PCDHA5: variants seen among roughly 807,000 people sequenced by gnomAD.
The protein encoded by PCDHA5 is protocadherin alpha 5.
PCDHA5 carries 43 observed loss-of-function variants against 61.6 expected under a neutral mutation model. The ratio of observed to expected loss-of-function variants is 0.70; its 90% CI spans 0.55 to 0.90. PCDHA5 has a LOEUF of 0.90. Ranked by LOEUF, PCDHA5 falls within the 40% of genes least tolerant of loss-of-function variation. PCDHA5 has a pLI of 0.00. For missense variants in PCDHA5, 1,298 were observed against 1,222.7 expected (o/e 1.06, Z -0.92); for synonymous variants, 627 against 543.9 (o/e 1.15, Z -2.13).
chr5:140,834,759 A>G (rs2150225728), intron 1 of PCDHA5: 8 of 1,614,036 alleles, frequency 5.0e-6, no homozygotes, highest in Non-Finnish European at 6.8e-6. Flanking sequence ...GGTGAAGGAC[A>G]TTAACGACAA....
At chr5:140,881,623 A>G (rs1179461885) in intron 1 of PCDHA5, among the ~76,000 whole-genome samples, 1 of 152,188 alleles carries the variant, frequency 6.6e-6, no homozygotes, top group East Asian at 1.9e-4. Flanking sequence ...TCAAAATCTG[A>G]TATATCAGTT....
intron 1 of PCDHA5, among the ~76,000 whole-genome samples, chr5:140,896,658 T>C (rs2065683362): frequency 6.6e-6 from 1 of 152,154 alleles, no homozygotes; most frequent in African/African-American, 2.4e-5. Context: ...ATTACAGGCA[T>C]GAGTCACTGT....
At chr5:140,967,066 C>A (rs782715200) in intron 1 of PCDHA5, 2 of 1,612,908 alleles carry the variant, frequency 1.2e-6, no homozygotes, top group Non-Finnish European at 1.7e-6. Context: ...GAGCGCTCTT[C>A]GTCAACGAGC....
At chr5:140,915,466 T>C (rs2077134247) in intron 1 of PCDHA5, among the ~76,000 whole-genome samples, 1 of 152,176 alleles carries the variant, frequency 6.6e-6, no homozygotes, top group South Asian at 2.1e-4. Context: ...AGGTTTTTAT[T>C]TGAAGGAGCT....
chr5:140,936,337 C>G (rs1226552278), intron 1 of PCDHA5, among the ~76,000 whole-genome samples: 17 of 152,160 alleles, frequency 1.1e-4, no homozygotes, highest in Non-Finnish European at 1.5e-5. Context: ...TTTTCTCTAT[C>G]TGCATATATG....
At chr5:140,849,862 C>G in intron 1 of PCDHA5, 1 of 1,598,598 alleles carries the variant, frequency 6.3e-7, no homozygotes, top group Non-Finnish European at 8.6e-7. Flanking sequence ...CCAGCGTTCG[C>G]GCAGTCCGAG....
chr5:141,008,074 G>A (rs1484978543), intron 3 of PCDHA5, among the ~76,000 whole-genome samples: 1 of 151,988 alleles, frequency 6.6e-6, no homozygotes, highest in Non-Finnish European at 1.5e-5. Flanking sequence ...AGAACTTATT[G>A]GGGTTATTCT....
rs549880473 is a variant in PCDHA5, at chr5:140,972,926, T to C, written c.2353-6023T>C. Among the ~76,000 whole-genome samples the C allele has an allele frequency of 9.2e-5, 14 of 152,264 alleles. No individual in the cohort carries two copies. The East Asian group carries it at 2.7e-3, about 29-fold the overall frequency. On this transcript the variant is annotated intron_variant, in intron 1 of 3. Coordinates refer to ENST00000529859, the MANE Select transcript of PCDHA5 (RefSeq NM_018908.3). ...ATCCACCCGCCTTGGCCTCCCAAAG[T>C]GCTGGGATTACAGATGTGAGCCACC...
At chr5:140,858,451 T>C in intron 1 of PCDHA5, 1 of 1,531,552 alleles carries the variant, frequency 6.5e-7, no homozygotes, top group East Asian at 2.4e-5. Context: ...GTTATTACGT[T>C]TTCATTTTCC....
intron 1 of PCDHA5, among the ~76,000 whole-genome samples, chr5:140,944,008 C>T (rs1253527034): frequency 1.3e-5 from 2 of 152,054 alleles, no homozygotes; most frequent in Non-Finnish European, 2.9e-5. Context: ...GAGTACCCCC[C>T]AAAAGCAATT....
At chr5:140,873,718 T>C (rs1259445115) in intron 1 of PCDHA5, among the ~76,000 whole-genome samples, 1 of 152,216 alleles carries the variant, frequency 6.6e-6, no homozygotes, top group East Asian at 1.9e-4. Context: ...TGGTGTGCAG[T>C]GGCGCAATCT....
chr5:140,842,192 G>T (rs2150331449), intron 1 of PCDHA5: 27 of 1,613,606 alleles, frequency 1.7e-5, no homozygotes, highest in Non-Finnish European at 2.2e-5. Flanking sequence ...TATGGTTATT[G>T]ACCACTTTAG....
At chr5:140,987,119 CAGG>C (rs1258206409) in intron 3 of PCDHA5, among the ~76,000 whole-genome samples, 2 of 151,448 alleles carry the variant, frequency 1.3e-5, no homozygotes, top group Non-Finnish European at 2.9e-5. Flanking sequence ...GAGGCTGAGG[CAGG>C]AGAATTGCTT....
chr5:141,002,095 C>G (rs1341792848), intron 3 of PCDHA5, among the ~76,000 whole-genome samples: 1 of 152,234 alleles, frequency 6.6e-6, no homozygotes, highest in Non-Finnish European at 1.5e-5. Flanking sequence ...AGTCCAGGGG[C>G]TGGGCCGGAA....
chr5:140,877,511 C>T (rs1582389090), intron 1 of PCDHA5: 2 of 1,613,808 alleles, frequency 1.2e-6, no homozygotes, highest in Non-Finnish European at 1.7e-6. Context: ...AAGACGTCGT[C>T]GCGGGCCTCA....
chr5:140,886,843 A>G (rs1247447766), intron 1 of PCDHA5, among the ~76,000 whole-genome samples: 8 of 150,852 alleles, frequency 5.3e-5, no homozygotes, highest in African/African-American at 1.5e-4. Flanking sequence ...AAAAAAAAAA[A>G]AAAAGAAAGG....
rs148093365 is a variant in PCDHA5, at chr5:140,827,932, A to C, written c.2352+3805A>C. 566 of 1,026,442 alleles carry C rather than the reference A, an allele frequency of 5.5e-4. 1 individual carries two copies. The African/African-American group carries it at 8.1e-3, about 15-fold the overall frequency. 63.6% of individuals were successfully genotyped at this position (1,026,442 alleles called of 1,614,324 possible). A position where few individuals can be genotyped will look rare whatever the true frequency, so the allele number is the denominator to read the frequency against. On this transcript the variant is annotated intron_variant, in intron 1 of 3. Coordinates refer to ENST00000529859, the MANE Select transcript of PCDHA5 (RefSeq NM_018908.3). Reference sequence around the variant, plus strand: ...TGATGTCGCTGTCTACCATGAAGTTATAGCTAGCCAACATTCAAATTTCTT... The same window carrying C: ...TGATGTCGCTGTCTACCATGAAGTTCTAGCTAGCCAACATTCAAATTTCTT...
intron 3 of PCDHA5, among the ~76,000 whole-genome samples, chr5:140,982,826 T>C (rs193172264): frequency 1.1e-3 from 157 of 141,010 alleles, no homozygotes; most frequent in African/African-American, 3.0e-3. Context: ...GTTTTTGGGG[T>C]TTGTTTGTTT....
intron 1 of PCDHA5, chr5:140,883,938 A>C (rs782647232): frequency 6.2e-7 from 1 of 1,613,360 alleles, no homozygotes; most frequent in East Asian, 2.2e-5. Context: ...TTCGTGCTGG[A>C]CGAGAACGAC....
Sources: allele counts gnomAD v4.1 joint callset (sites outside exome capture counted in the v4.1 genomes callset), GRCh38; gene constraint gnomAD v4.1.1; transcripts MANE v1.5; gene names NCBI Gene and HGNC (gene_info 2026-07-23, HGNC 2026-07-21).